Variants in SGCD observed in about 807,000 individuals in gnomAD.
SGCD encodes sarcoglycan delta, also known as delta-sarcoglycan.
In SGCD, 18 loss-of-function variants were observed where a neutral mutation model predicts 36.6. The observed-to-expected ratio is 0.49, with a 90% confidence interval of 0.34 to 0.73. The LOEUF is 0.73. SGCD is among the 30% of genes least tolerant of loss of function. The pLI, the probability that SGCD is intolerant of heterozygous loss-of-function variation, is 0.01. For synonymous variants in SGCD, 133 were observed against 130.6 expected (o/e 1.02, Z -0.12); for missense variants, 387 against 346.7 (o/e 1.12, Z -0.92).
intron 1 of SGCD, among the ~76,000 whole-genome samples, chr5:156,069,354 T>C (rs1299569025): frequency 6.6e-6 from 1 of 152,120 alleles, no homozygotes; most frequent in Non-Finnish European, 1.5e-5. Flanking sequence ...CTAGCCAGTT[T>C]TCCCAGCACC....
intron 1 of SGCD, among the ~76,000 whole-genome samples, chr5:156,105,104 C>A (rs953331688): frequency 2.0e-5 from 3 of 152,030 alleles, no homozygotes; most frequent in African/African-American, 7.2e-5. Flanking sequence ...ATGTAACAAA[C>A]CTGCACGTTG....
intron 3 of SGCD, among the ~76,000 whole-genome samples, chr5:156,265,707 A>G (rs986088273): frequency 6.6e-6 from 1 of 151,896 alleles, no homozygotes; most frequent in African/African-American, 2.4e-5. Flanking sequence ...CAAAGAGGAT[A>G]TAGTGATCTT....
intron 1 of SGCD, among the ~76,000 whole-genome samples, chr5:155,997,908 G>A (rs939318228): frequency 3.3e-5 from 5 of 151,988 alleles, no homozygotes; most frequent in African/African-American, 1.2e-4. Context: ...CCTTTTTTTG[G>A]TCAATCATTC....
intron 7 of SGCD, among the ~76,000 whole-genome samples, chr5:156,722,214 T>C (rs1434922557): frequency 6.6e-6 from 1 of 152,142 alleles, no homozygotes; most frequent in South Asian, 2.1e-4. Context: ...ATTAAGTAGA[T>C]CAAATTAGCC....
chr5:156,551,485 G>A lies in SGCD; in HGVS notation c.295-37746G>A, dbSNP rs532801816. ...TCCTTGCCTCTCTCCTTGGATGTGT[G>A]TGTTCACGGGAACAGGGCAGGGTTT... is the stretch of plus-strand genomic sequence containing the variant. On this transcript the variant is annotated intron_variant, in intron 4 of 8. Coordinates refer to ENST00000337851, the MANE Select transcript of SGCD (RefSeq NM_000337.6). 7.9e-5 allele frequency among the ~76,000 whole-genome samples: 12 copies of A among 152,226 alleles called. No homozygotes were observed. In the South Asian group the frequency reaches 2.1e-3, roughly 26 times the overall value.
chr5:155,753,648 C>G, the SGCD span, among the ~76,000 whole-genome samples: 13 of 152,116 alleles, frequency 8.5e-5, no homozygotes, highest in Non-Finnish European at 1.9e-4. Flanking sequence ...AGAGGCTTCA[C>G]AGAGCAGGTG....
intron 4 of SGCD, among the ~76,000 whole-genome samples, chr5:156,569,135 G>A (rs1228297772): frequency 1.3e-5 from 2 of 152,142 alleles, no homozygotes; most frequent in African/African-American, 2.4e-5. Flanking sequence ...GGCAGTCAGC[G>A]AACTCAGCGA....
At chr5:155,742,863 T>C in the SGCD span, among the ~76,000 whole-genome samples, 7 of 152,212 alleles carry the variant, frequency 4.6e-5, no homozygotes, top group African/African-American at 1.4e-4. Context: ...TATTACCCTC[T>C]CCTCTGATTT....
the SGCD span, among the ~76,000 whole-genome samples, chr5:155,828,508 A>G: frequency 6.6e-6 from 1 of 152,166 alleles, no homozygotes; most frequent in Non-Finnish European, 1.5e-5. Context: ...AACAACAACA[A>G]CAGCAACAAA....
At chr5:156,696,755 C>T (rs1754332133) in intron 7 of SGCD, among the ~76,000 whole-genome samples, 1 of 152,154 alleles carries the variant, frequency 6.6e-6, no homozygotes, top group South Asian at 2.1e-4. Context: ...AGTGATCTTC[C>T]TGCCTTGGCC....
intron 3 of SGCD, among the ~76,000 whole-genome samples, chr5:156,495,544 AC>A (rs1357961579): frequency 1.3e-5 from 2 of 152,120 alleles, no homozygotes; most frequent in Non-Finnish European, 2.9e-5. Context: ...TGGGGTACAT[AC>A]CCCATGAAGG....
At chr5:155,797,638 A>G in the SGCD span, among the ~76,000 whole-genome samples, 1 of 152,330 alleles carries the variant, frequency 6.6e-6, no homozygotes, top group South Asian at 2.1e-4. Context: ...TGGGATTCAG[A>G]AGACCCGAGT....
At chr5:156,244,123 CACA>C (rs1004542585) in intron 3 of SGCD, among the ~76,000 whole-genome samples, 2 of 152,094 alleles carry the variant, frequency 1.3e-5, no homozygotes, top group Non-Finnish European at 2.9e-5. Flanking sequence ...GTAAGAAGAG[CACA>C]ACATCACTTC....
chr5:156,056,656 A>C (rs558537465), intron 1 of SGCD, among the ~76,000 whole-genome samples: 3 of 119,836 alleles, frequency 2.5e-5, no homozygotes, highest in Admixed American at 1.5e-4. Flanking sequence ...AAAAAAAAAA[A>C]AAAAAAAAAC....
chr5:156,695,751 C>T (rs1754297589), intron 7 of SGCD, among the ~76,000 whole-genome samples: 2 of 152,206 alleles, frequency 1.3e-5, no homozygotes, highest in African/African-American at 4.8e-5. Flanking sequence ...TTTGCATCTA[C>T]TCAGTTCTGT....
At chr5:155,798,434 T>A in the SGCD span, among the ~76,000 whole-genome samples, 1 of 152,220 alleles carries the variant, frequency 6.6e-6, no homozygotes, top group Non-Finnish European at 1.5e-5. Context: ...TAGATTTACC[T>A]TCTGATTAAT....
chr5:156,517,676 A>T (rs531070633), intron 4 of SGCD, among the ~76,000 whole-genome samples: 3 of 152,310 alleles, frequency 2.0e-5, no homozygotes, highest in African/African-American at 7.2e-5. Flanking sequence ...GCTAGAAGAG[A>T]TTGTGGGCCA....
chr5:155,931,587 T>G (rs1240242263), intron 1 of SGCD, among the ~76,000 whole-genome samples: 4 of 152,242 alleles, frequency 2.6e-5, no homozygotes, highest in Non-Finnish European at 5.9e-5. Flanking sequence ...ATAGTTGTGT[T>G]GAACATGTGT....
chr5:156,685,268 T>A (rs184420827), intron 7 of SGCD, among the ~76,000 whole-genome samples: 2 of 151,988 alleles, frequency 1.3e-5, no homozygotes, highest in East Asian at 3.9e-4. Context: ...TCCAAAGAAG[T>A]CAGGCTTAGG....
Sources: allele counts gnomAD v4.1 joint callset (sites outside exome capture counted in the v4.1 genomes callset), GRCh38; gene constraint gnomAD v4.1.1; transcripts MANE v1.5; gene names NCBI Gene and HGNC (gene_info 2026-07-23, HGNC 2026-07-21).